Variants in ARHGAP42 observed in about 807,000 individuals in gnomAD.
The protein encoded by ARHGAP42 is rho GTPase-activating protein 42.
Under a neutral mutation model 125.0 loss-of-function variants are expected in ARHGAP42, and 63 were observed. That is an observed-to-expected ratio of 0.50 (90% confidence interval 0.41 to 0.62). The LOEUF (loss-of-function observed/expected upper bound fraction) is 0.62, where lower values mean the gene tolerates loss of function less well. ARHGAP42 is among the 20% of genes least tolerant of loss of function. The pLI, the probability that ARHGAP42 is intolerant of heterozygous loss-of-function variation, is 0.00. For synonymous variants in ARHGAP42, 339 were observed against 351.0 expected, an observed-to-expected ratio of 0.97 and a Z score of 0.38; for missense variants, 766 against 1,024.2, an observed-to-expected ratio of 0.75 and a Z score of 3.44.
chr11:100,819,188 G>T (rs1864347928), intron 3 of ARHGAP42, among the ~76,000 whole-genome samples: 1 of 152,128 alleles, frequency 6.6e-6, no homozygotes, highest in African/African-American at 2.4e-5. Flanking sequence ...ATACAGAACG[G>T]ATCAGTTTTA....
At chr11:100,744,065 T>C (rs1343813702) in intron 1 of ARHGAP42, among the ~76,000 whole-genome samples, 1 of 152,134 alleles carries the variant, frequency 6.6e-6, no homozygotes, top group Non-Finnish European at 1.5e-5. Flanking sequence ...CTTCTTCCCA[T>C]GTTCAAGTGA....
chr11:100,804,954 T>G (rs1863955242), intron 3 of ARHGAP42, among the ~76,000 whole-genome samples: 1 of 152,206 alleles, frequency 6.6e-6, no homozygotes, highest in Admixed American at 6.5e-5. Context: ...ACACCTGAAA[T>G]GTGTTTGTTG....
intron 4 of ARHGAP42, among the ~76,000 whole-genome samples, chr11:100,866,935 A>C (rs1251330535): frequency 2.0e-5 from 3 of 152,236 alleles, no homozygotes; most frequent in African/African-American, 7.2e-5. Flanking sequence ...ATGAGAGAAC[A>C]TTAATCTACT....
In ARHGAP42 at chr11:100,991,780, G is replaced by A. The variant is rs1305652886; in HGVS notation, c.*2979G>A. 6.6e-6 allele frequency: 1 copy of A among 152,632 alleles called. No individual in the cohort carries two copies. The highest frequency in any genetic ancestry group is 1.5e-5 in the Non-Finnish European group (1 of 68,410). The allele number at this position is 152,632 out of a possible 1,614,324, so 9.5% of individuals were successfully genotyped here. A position where few individuals can be genotyped will look rare whatever the true frequency, so the allele number is the denominator to read the frequency against. On this transcript the variant is annotated 3_prime_UTR_variant, in exon 24 of 24. Transcript: ENST00000298815. Reference sequence around the variant, plus strand: ...GTGAGTGGTTTTGCTTGTTGCATGGGTTCCCTGTGCTTTGTAACTTGCATG... The same window carrying A: ...GTGAGTGGTTTTGCTTGTTGCATGGATTCCCTGTGCTTTGTAACTTGCATG...
rs1378651879 is a variant in ARHGAP42, at chr11:100,690,566, A to G, written c.154+2734A>G. ...AAATAATACATATAACATACTTAAC[A>G]CGTGTTTAAATATCCAATATTTTTA... is the stretch of plus-strand genomic sequence containing the variant. On this transcript the variant is annotated intron_variant, in intron 1 of 23. Transcript: ENST00000298815. Among the ~76,000 whole-genome samples the G allele has an allele frequency of 2.6e-5, 4 of 152,222 alleles. No individual in the cohort carries two copies. The East Asian group carries it at 7.7e-4, about 29-fold the overall frequency.
intron 3 of ARHGAP42, among the ~76,000 whole-genome samples, chr11:100,807,866 T>C (rs1380167479): frequency 6.6e-6 from 1 of 152,268 alleles, no homozygotes; most frequent in Non-Finnish European, 1.5e-5. Context: ...TACTCTCTGC[T>C]GTTGGCCATC....
intron 1 of ARHGAP42, among the ~76,000 whole-genome samples, chr11:100,705,189 T>G (rs1488032163): frequency 6.6e-6 from 1 of 152,192 alleles, no homozygotes; most frequent in Non-Finnish European, 1.5e-5. Context: ...ACATTAAATC[T>G]GGCTAAAAGA....
chr11:100,885,859 A>G (rs1252998172), intron 4 of ARHGAP42, among the ~76,000 whole-genome samples: 1 of 152,236 alleles, frequency 6.6e-6, no homozygotes, highest in African/African-American at 2.4e-5. Context: ...CAGAGGTTGA[A>G]TTACATAATG....
intron 9 of ARHGAP42, among the ~76,000 whole-genome samples, chr11:100,943,372 A>C (rs1044446274): frequency 1.3e-5 from 2 of 152,012 alleles, no homozygotes; most frequent in Admixed American, 6.6e-5. Context: ...TTTGATTAAG[A>C]GCACCAAATG....
chr11:100,979,471 G>A (rs533571), intron 22 of ARHGAP42, among the ~76,000 whole-genome samples: 46,728 of 151,696 alleles, frequency 0.31, 9,149 homozygotes, highest in East Asian at 0.95. Flanking sequence ...AGAGTTAATT[G>A]CCCAAAGCGA....
At chr11:100,905,663 A>G (rs893995636) in intron 4 of ARHGAP42, among the ~76,000 whole-genome samples, 27 of 152,168 alleles carry the variant, frequency 1.8e-4, no homozygotes, top group African/African-American at 5.8e-4. Context: ...TCTGTTTCCA[A>G]GTACAAGGAT....
chr11:100,713,953 C>T (rs1861607177), intron 1 of ARHGAP42, among the ~76,000 whole-genome samples: 1 of 151,998 alleles, frequency 6.6e-6, no homozygotes, highest in South Asian at 2.1e-4. Flanking sequence ...AATTGTTATG[C>T]CACAATCATC....
chr11:100,967,668 T>C (rs1000932786), intron 17 of ARHGAP42, among the ~76,000 whole-genome samples: 14 of 152,154 alleles, frequency 9.2e-5, no homozygotes, highest in African/African-American at 2.9e-4. Context: ...TACTCTGTTA[T>C]TAGCTATATA....
At chr11:100,940,040 G>A (rs1304641668) in intron 8 of ARHGAP42, among the ~76,000 whole-genome samples, 2 of 152,060 alleles carry the variant, frequency 1.3e-5, no homozygotes, top group Non-Finnish European at 2.9e-5. Flanking sequence ...ACATGTAACA[G>A]AATTATCAAC....
At chr11:100,897,435 T>G (rs1866392606) in intron 4 of ARHGAP42, among the ~76,000 whole-genome samples, 1 of 152,202 alleles carries the variant, frequency 6.6e-6, no homozygotes, top group African/African-American at 2.4e-5. Flanking sequence ...TTGGGCAGTA[T>G]GGCCATTTTC....
intron 1 of ARHGAP42, among the ~76,000 whole-genome samples, chr11:100,708,861 A>G (rs1353737229): frequency 1.3e-5 from 2 of 152,222 alleles, no homozygotes; most frequent in Non-Finnish European, 2.9e-5. Context: ...TTGCTATAAT[A>G]AAGTTTAATT....
chr11:100,815,504 A>G lies in ARHGAP42; in HGVS notation c.312+20338A>G, dbSNP rs540287496. 2.0e-5 allele frequency among the ~76,000 whole-genome samples: 3 copies of G among 152,166 alleles called. No individual in the cohort carries two copies. In the South Asian group the frequency reaches 6.2e-4, roughly 31 times the overall value. On this transcript the variant is annotated intron_variant, in intron 3 of 23. Coordinates refer to ENST00000298815, the MANE Select transcript of ARHGAP42 (RefSeq NM_152432.4). ...TTGAAAAATGCACTAAATCTAAGCT[A>G]TGTTTGTTGCTCTGAGCCTAGTTCC...
At chr11:100,859,339 G>T in intron 3 of ARHGAP42, 1 of 411,714 alleles carries the variant, frequency 2.4e-6, no homozygotes, top group Non-Finnish European at 4.3e-6. Flanking sequence ...ACTTATTTTC[G>T]TATTTTTCAC....
At chr11:100,941,738 A>G (rs999399943) in intron 8 of ARHGAP42, 46 bp from the exon 9 acceptor site, 1 of 1,219,382 alleles carries the variant, frequency 8.2e-7, no homozygotes, top group South Asian at 1.5e-5. Context: ...TTTGATACAA[A>G]TCATTTATTA....
Sources: gnomAD v4.1 joint callset for allele counts (sites outside exome capture counted in the v4.1 genomes callset) on GRCh38, gnomAD v4.1.1 for gene constraint, MANE v1.5 for transcripts, NCBI Gene and HGNC (gene_info 2026-07-23, HGNC 2026-07-21) for gene names.